Variants in ABLIM3 observed in about 807,000 individuals in gnomAD.
ABLIM3 encodes the protein actin binding LIM protein family member 3.
Under a neutral mutation model 109.5 loss-of-function variants are expected in ABLIM3, and 61 were observed. The observed-to-expected ratio is 0.56, with a 90% CI of 0.45 to 0.69. The LOEUF (loss-of-function observed/expected upper bound fraction) is 0.69, where lower values mean the gene tolerates loss of function less well. Among genes scored for constraint, ABLIM3 ranks in the 30% least tolerant of loss-of-function variants. The probability of loss-of-function intolerance (pLI) is 0.00; values close to 1 mark genes in which losing one functional copy is unlikely to be tolerated. For synonymous variants in ABLIM3, 300 were observed against 324.8 expected (o/e 0.92, Z 0.82); for missense variants, 796 against 889.5 (o/e 0.89, Z 1.34).
chr5:149,240,546 C>A, intron 13 of ABLIM3, 130 bp from the exon 14 acceptor site: 1 of 723,234 alleles, frequency 1.4e-6, no homozygotes, highest in Non-Finnish European at 2.4e-6. Context: ...AACCTGAGCA[C>A]GCTGAGACGC....
chr5:149,238,744 C>T (rs186561264), intron 11 of ABLIM3, among the ~76,000 whole-genome samples: 119 of 152,316 alleles, frequency 7.8e-4, no homozygotes, highest in Non-Finnish European at 1.5e-3. Flanking sequence ...CCTCTTCAGT[C>T]GAGACATCCC....
At chr5:149,170,623 A>G (rs1336304321) in intron 2 of ABLIM3, among the ~76,000 whole-genome samples, 3 of 152,104 alleles carry the variant, frequency 2.0e-5, no homozygotes, top group Non-Finnish European at 4.4e-5. Flanking sequence ...TGGGTGAAAA[A>G]CGCTGTTTGC....
chr5:149,183,828 A>G lies in ABLIM3; in HGVS notation c.151+239A>G, dbSNP rs115401368. 8.8e-3 allele frequency among the ~76,000 whole-genome samples: 1,347 copies of G among 152,300 alleles called. 18 individuals carry two copies. Among genetic ancestry groups the G allele is most frequent in the African/African-American group, 0.031 (1,304 of 41,552 alleles). On this transcript the variant is annotated intron_variant, in intron 3 of 23. Coordinates refer to ENST00000309868, the MANE Select transcript of ABLIM3 (RefSeq NM_014945.5). Reference sequence around the variant, plus strand: ...GAGGGGCAGGTGCTGAACCAGAAGGAAAAAGACTAATCTGCAAGTTTAACT... The same window carrying G: ...GAGGGGCAGGTGCTGAACCAGAAGGGAAAAGACTAATCTGCAAGTTTAACT...
intron 2 of ABLIM3, among the ~76,000 whole-genome samples, chr5:149,180,798 A>C (rs1475576572): frequency 6.6e-6 from 1 of 152,212 alleles, no homozygotes; most frequent in Non-Finnish European, 1.5e-5. Flanking sequence ...CTGGGGTCCC[A>C]TCACTACTGC....
intron 18 of ABLIM3, among the ~76,000 whole-genome samples, chr5:149,249,389 C>T (rs1181584001): frequency 6.6e-6 from 1 of 152,182 alleles, no homozygotes; most frequent in African/African-American, 2.4e-5. Context: ...GATGAGAAAA[C>T]CAAAGCGTGA....
intron 2 of ABLIM3, among the ~76,000 whole-genome samples, chr5:149,154,476 A>G (rs757671803): frequency 7.2e-5 from 11 of 152,314 alleles, no homozygotes; most frequent in Middle Eastern, 3.4e-3. Flanking sequence ...CCCATCAGAA[A>G]TTCCTTAGAC....
At chr5:149,181,227 G>T (rs1283055690) in intron 2 of ABLIM3, among the ~76,000 whole-genome samples, 1 of 151,608 alleles carries the variant, frequency 6.6e-6, no homozygotes, top group Non-Finnish European at 1.5e-5. Flanking sequence ...GTATTTTCCA[G>T]GGAACATTGA....
chr5:149,250,508 AAG>A lies in ABLIM3; in HGVS notation c.1788+5_1788+6del. ...ACCGAAGAAATGGGCTGCACAGGGT[AAG>A]AAGCTGTGCTGGAGGATGGGGGAGG... On this transcript the variant is annotated splice_donor_5th_base_variant and intron_variant, in intron 20 of 23. Coordinates refer to ENST00000309868, the MANE Select transcript of ABLIM3 (RefSeq NM_014945.5). The A allele has an allele frequency of 1.9e-6, 3 of 1,614,180 alleles. No homozygotes were observed. Among genetic ancestry groups the A allele is most frequent in the Non-Finnish European group, 2.5e-6 (3 of 1,180,000 alleles).
chr5:149,141,924 C>T, intron 1 of ABLIM3, 85 bp from the exon 2 acceptor site: 1 of 957,162 alleles, frequency 1.0e-6, no homozygotes, highest in Non-Finnish European at 1.6e-6. Flanking sequence ...CCAGGGGCTA[C>T]AGCCCAGACA....
chr5:149,187,846 C>T (rs1333943037), intron 3 of ABLIM3, among the ~76,000 whole-genome samples: 1 of 152,110 alleles, frequency 6.6e-6, no homozygotes, highest in Non-Finnish European at 1.5e-5. Context: ...ATTAGCCAGT[C>T]GGAATTTGTT....
chr5:149,174,829 A>G (rs1313987498), intron 2 of ABLIM3: 1 of 152,218 alleles, frequency 6.6e-6, no homozygotes, highest in Non-Finnish European at 1.5e-5. Flanking sequence ...AGGCTAATTA[A>G]TTATCCTCTC....
In ABLIM3 at chr5:149,159,659, A is replaced by C. The variant is rs182701522; in HGVS notation, c.13+17551A>C. 1.5e-3 allele frequency among the ~76,000 whole-genome samples: 231 copies of C among 152,308 alleles called. 2 individuals are homozygous for C. The highest frequency in any genetic ancestry group is 2.8e-3 in the Non-Finnish European group (189 of 68,018). ...TGCTAACTCTGTGACCTCTGAGGCCAGTATCCTTATCAGTTCTATGGCTCC... is the reference window on the plus strand; with the variant it reads ...TGCTAACTCTGTGACCTCTGAGGCCCGTATCCTTATCAGTTCTATGGCTCC... On this transcript the variant is annotated intron_variant, in intron 2 of 23. Transcript: ENST00000309868.
intron 3 of ABLIM3, among the ~76,000 whole-genome samples, chr5:149,188,678 A>G (rs1281744091): frequency 1.3e-5 from 2 of 152,214 alleles, no homozygotes; most frequent in Admixed American, 1.3e-4. Context: ...TAATCTCATC[A>G]TGAGGGCCCC....
Position 149,183,641 on chromosome 5 carries a change from A to G in ABLIM3, c.151+52A>G, listed in dbSNP as rs1266376080. On this transcript the variant is annotated intron_variant, in intron 3 of 23. Transcript: ENST00000309868. ...TTCTTAGATTCCTGACCATTCTTGC[A>G]CCATCAGGTCATGCCTCAGGGGCAG... 4.1e-6 allele frequency: 6 copies of G among 1,466,812 alleles called. No homozygotes were observed. The South Asian group carries it at 7.4e-5, about 18-fold the overall frequency. 90.9% of individuals were successfully genotyped at this position (1,466,812 alleles called of 1,614,324 possible).
At chr5:149,177,180 C>G (rs1039531959) in intron 2 of ABLIM3, 2 of 152,290 alleles carry the variant, frequency 1.3e-5, no homozygotes, top group African/African-American at 4.8e-5. Context: ...TCCCTGCCCT[C>G]ATGGAGCTCA....
At chr5:149,257,613 T>C (rs1269395112) in intron 23 of ABLIM3, among the ~76,000 whole-genome samples, 1 of 152,222 alleles carries the variant, frequency 6.6e-6, no homozygotes, top group Non-Finnish European at 1.5e-5. Flanking sequence ...AAGTGCTGTA[T>C]ATTTCTAACT....
At chr5:149,173,407 C>A (rs1211824034) in intron 2 of ABLIM3, among the ~76,000 whole-genome samples, 1 of 152,224 alleles carries the variant, frequency 6.6e-6, no homozygotes, top group Non-Finnish European at 1.5e-5. Context: ...TTGGCCTGAC[C>A]TCAGGCAAGT....
In ABLIM3 at chr5:149,226,537, A is replaced by C. The variant is rs149904603; in HGVS notation, c.758-4112A>C. 2.4e-3 allele frequency among the ~76,000 whole-genome samples: 367 copies of C among 152,246 alleles called. 2 individuals are homozygous for C. The highest frequency in any genetic ancestry group is 8.6e-3 in the African/African-American group (358 of 41,552). On this transcript the variant is annotated intron_variant, in intron 8 of 23. Coordinates refer to ENST00000309868, the MANE Select transcript of ABLIM3 (RefSeq NM_014945.5). ...CCTGCCGTAAGAGAATGCCCTAGCT[A>C]GGGTCAAGGCCAAAAACTCCAATGC... is the stretch of plus-strand genomic sequence containing the variant.
At chr5:149,199,309 G>C in intron 4 of ABLIM3, among the ~76,000 whole-genome samples, 2 of 152,244 alleles carry the variant, frequency 1.3e-5, no homozygotes, top group Middle Eastern at 6.8e-3. Flanking sequence ...ATTATTCTCC[G>C]CATAAAATAA....
Sources: gnomAD v4.1 joint callset for allele counts (sites outside exome capture counted in the v4.1 genomes callset) on GRCh38, gnomAD v4.1.1 for gene constraint, MANE v1.5 for transcripts, NCBI Gene and HGNC (gene_info 2026-07-23, HGNC 2026-07-21) for gene names.